The following PCDHGA6 variants were observed in gnomAD, a reference collection of about 807,000 sequenced individuals.
The protein encoded by PCDHGA6 is protocadherin gamma-A6.
A neutral mutation model predicts 60.6 loss-of-function variants in PCDHGA6; 41 were observed. The observed-to-expected ratio is 0.68, with a 90% CI of 0.53 to 0.88. The LOEUF is 0.88. Among genes scored for constraint, PCDHGA6 ranks in the 40% least tolerant of loss-of-function variants. The pLI is 0.00. For synonymous variants in PCDHGA6, 594 were observed against 524.4 expected (o/e 1.13, Z -1.81); for missense variants, 1,312 against 1,203.0 (o/e 1.09, Z -1.34).
At chr5:141,469,994 C>T (rs948868787) in intron 1 of PCDHGA6, among the ~76,000 whole-genome samples, 2 of 151,830 alleles carry the variant, frequency 1.3e-5, no homozygotes, top group Non-Finnish European at 1.5e-5. Flanking sequence ...AGCTGGTCGT[C>T]GTGGCACGCC....
chr5:141,427,764 T>C (rs1239199764), intron 1 of PCDHGA6: 4 of 1,383,480 alleles, frequency 2.9e-6, no homozygotes, highest in Non-Finnish European at 4.1e-6. Context: ...TACCACTGAC[T>C]TGGAGCTGCG....
In PCDHGA6 at chr5:141,486,397, G is replaced by T; in HGVS notation, c.2425-8410G>T. 6.2e-7 allele frequency: 1 copy of T among 1,614,164 alleles called. No individual in the cohort carries two copies. Among genetic ancestry groups the T allele is most frequent in the East Asian group, 2.2e-5 (1 of 44,872 alleles). On this transcript the variant is annotated intron_variant, in intron 1 of 3. Coordinates refer to ENST00000517434, the MANE Select transcript of PCDHGA6 (RefSeq NM_018919.3). The surrounding 1 kb of genome is among the most constrained non-coding windows in gnomAD (Gnocchi z 5.0). ...CCTTCAGGAACCAGTTCTCCCTGGTGACTGCTGGACCCTTGGATCGAGAGG... is the reference window on the plus strand; with the variant it reads ...CCTTCAGGAACCAGTTCTCCCTGGTTACTGCTGGACCCTTGGATCGAGAGG...
rs962326553 is a variant in PCDHGA6 at position 141,387,971 on chromosome 5, C to T, written c.2424+11464C>T. 1.0e-5 allele frequency: 15 copies of T among 1,489,894 alleles called. 1 individual carries two copies. Among genetic ancestry groups the T allele is most frequent in the Non-Finnish European group, 1.3e-5 (14 of 1,108,812 alleles). The allele number at this position is 1,489,894 out of a possible 1,614,324, so 92.3% of individuals were successfully genotyped here. ...TGCTGTCTTTGTTCTGCCCGGCGCT[C>T]TGTGAGCAGATCCGCTACAGGATTC... On this transcript the variant is annotated intron_variant, in intron 1 of 3. Transcript: ENST00000517434.
chr5:141,384,478 G>A (rs1350381914), intron 1 of PCDHGA6: 4 of 1,614,104 alleles, frequency 2.5e-6, no homozygotes, highest in Non-Finnish European at 3.4e-6. Context: ...GCAGTTGAGA[G>A]AACTACAACT....
chr5:141,467,532 T>G (rs2099145568), intron 1 of PCDHGA6, among the ~76,000 whole-genome samples: 1 of 152,234 alleles, frequency 6.6e-6, no homozygotes, highest in Non-Finnish European at 1.5e-5. Flanking sequence ...TGTGCTGAGA[T>G]ATGGATCTGA....
At chr5:141,472,980 CAAAAAAA>C (rs60579131) in intron 1 of PCDHGA6, among the ~76,000 whole-genome samples, 1 of 86,108 alleles carries the variant, frequency 1.2e-5, no homozygotes, top group East Asian at 4.1e-4. Context: ...GAGTGAAACT[CAAAAAAA>C]AAAAAAAAAA....
rs774780380 is a variant in PCDHGA6 at position 141,432,864 on chromosome 5, G to C, written c.2424+56357G>C. Reference sequence around the variant, plus strand: ...GTGGTAGCGGTGGCCGCGGTCTCCTGCGTCTTCCTGGCCTTCGTCATCTTG... The same window carrying C: ...GTGGTAGCGGTGGCCGCGGTCTCCTCCGTCTTCCTGGCCTTCGTCATCTTG... On this transcript the variant is annotated intron_variant, in intron 1 of 3. Coordinates refer to ENST00000517434, the MANE Select transcript of PCDHGA6 (RefSeq NM_018919.3). The surrounding 1 kb of genome is among the most constrained non-coding windows in gnomAD (Gnocchi z 6.0). 6.2e-7 allele frequency: 1 copy of C among 1,614,168 alleles called. No homozygotes were observed.
At chr5:141,461,817 C>A (rs2099023873) in intron 1 of PCDHGA6, among the ~76,000 whole-genome samples, 1 of 150,844 alleles carries the variant, frequency 6.6e-6, no homozygotes, top group South Asian at 2.1e-4. Flanking sequence ...CCACACCCAG[C>A]TAATTTTTTT....
rs978782104 is a variant in PCDHGA6 at position 141,431,445 on chromosome 5, G to C, written c.2424+54938G>C. 1 of 1,613,742 alleles carries C rather than the reference G, an allele frequency of 6.2e-7. No homozygotes were observed. On this transcript the variant is annotated intron_variant, in intron 1 of 3. Transcript: ENST00000517434. This position sits in a 1 kb window ranked among gnomAD's most constrained non-coding sequence, Gnocchi z 4.8. ...GTGCGCACAGGCACCGCGCGCATCC[G>C]CGTGATGGTTCTGGATGCGAACGAC...
At chr5:141,456,873 G>A (rs2098894054) in intron 1 of PCDHGA6, among the ~76,000 whole-genome samples, 1 of 152,152 alleles carries the variant, frequency 6.6e-6, no homozygotes, top group Non-Finnish European at 1.5e-5. Context: ...TGAGGCAGGA[G>A]AATCGCTTGA....
rs1163950013 is a variant in PCDHGA6 at position 141,512,955 on chromosome 5, A to G, written c.*1782A>G. 2 of 152,234 alleles carry G rather than the reference A, an allele frequency of 1.3e-5. No homozygotes were observed. The highest frequency in any genetic ancestry group is 2.9e-5 in the Non-Finnish European group (2 of 68,046). The allele number at this position is 152,234 out of a possible 1,614,324, so 9.4% of individuals were successfully genotyped here. ...GCTTTTTTTCTTCGACAAAAAAATA[A>G]TAAAACGTTTCTTCTGAAAAGCTGA... On this transcript the variant is annotated 3_prime_UTR_variant, in exon 4 of 4. Coordinates refer to ENST00000517434, the MANE Select transcript of PCDHGA6 (RefSeq NM_018919.3).
At chr5:141,429,169 T>TACACACACACACACACAC (rs10667977) in intron 1 of PCDHGA6, 2 of 145,394 alleles carry the variant, frequency 1.4e-5, no homozygotes, top group African/African-American at 5.1e-5. Flanking sequence ...ACATTGTTTA[T>TACACACACACACACACAC]ACACACACAC....
At chr5:141,418,877 G>T in intron 1 of PCDHGA6, 1 of 1,613,960 alleles carries the variant, frequency 6.2e-7, no homozygotes, top group Non-Finnish European at 8.5e-7. Context: ...AGTTGTAGAC[G>T]AAAACGACAA....
At chr5:141,502,710 C>T (rs2099815750) in intron 2 of PCDHGA6, among the ~76,000 whole-genome samples, 1 of 152,168 alleles carries the variant, frequency 6.6e-6, no homozygotes, top group South Asian at 2.1e-4. Context: ...GTTTTTACAT[C>T]AGTGATTACA....
chr5:141,447,558 G>T (rs551305232), intron 1 of PCDHGA6, among the ~76,000 whole-genome samples: 1 of 152,264 alleles, frequency 6.6e-6, no homozygotes, highest in African/African-American at 2.4e-5. Context: ...GAGTACACTT[G>T]GAGGATTCTA....
chr5:141,509,825 C>A (rs1057042581), intron 3 of PCDHGA6, among the ~76,000 whole-genome samples: 18 of 152,222 alleles, frequency 1.2e-4, no homozygotes, highest in African/African-American at 1.2e-4. Context: ...TCTCCATCTT[C>A]TCTCTACCTC....
rs777325229 is a variant in PCDHGA6, at chr5:141,403,135, G to A, written c.2424+26628G>A. On this transcript the variant is annotated intron_variant, in intron 1 of 3. Transcript: ENST00000517434. ...CTCTGGAGCCCCGGGAGCTGGCGGA[G>A]CGCCGAGTCCGCATCGTCTCTAGAG... 8 of 1,613,948 alleles carry A rather than the reference G, an allele frequency of 5.0e-6. No homozygotes were observed. The African/African-American group carries it at 8.0e-5, about 16-fold the overall frequency.
intron 1 of PCDHGA6, among the ~76,000 whole-genome samples, chr5:141,407,384 G>A (rs911492449): frequency 1.3e-5 from 2 of 152,182 alleles, no homozygotes; most frequent in Non-Finnish European, 2.9e-5. Flanking sequence ...AGGCTTGTAT[G>A]TCATGGTAGG....
chr5:141,386,056 A>C (rs2090445356), intron 1 of PCDHGA6: 1 of 152,214 alleles, frequency 6.6e-6, no homozygotes, highest in South Asian at 2.1e-4. Flanking sequence ...TTTAACAGAG[A>C]ATTCCAGTAT....
Sources: gnomAD v4.1 joint callset for allele counts (sites outside exome capture counted in the v4.1 genomes callset) on GRCh38, gnomAD v4.1.1 for gene constraint, Gnocchi (gnomAD v3.1) non-coding constraint, MANE v1.5 for transcripts, NCBI Gene and HGNC (gene_info 2026-07-23, HGNC 2026-07-21) for gene names.